The following AMBRA1 variants were observed in gnomAD, a reference collection of about 807,000 sequenced individuals.
The protein encoded by AMBRA1 is autophagy and beclin 1 regulator 1.
In AMBRA1, 47 loss-of-function variants were observed where a neutral mutation model predicts 125.4. The ratio of observed to expected loss-of-function variants is 0.37; its 90% CI spans 0.30 to 0.48. The LOEUF is 0.48. Among genes scored for constraint, AMBRA1 ranks in the 20% least tolerant of loss-of-function variants. AMBRA1 has a pLI of 0.99. For missense variants in AMBRA1, 1,331 were observed against 1,693.4 expected (o/e 0.79, Z 3.76); for synonymous variants, 626 against 655.5 (o/e 0.95, Z 0.69).
intron 11 of AMBRA1, among the ~76,000 whole-genome samples, chr11:46,457,905 CAAAAA>C (rs398045181): frequency 2.5e-5 from 2 of 79,700 alleles, no homozygotes; most frequent in Non-Finnish European, 2.6e-5. Context: ...GACTCCGTTG[CAAAAA>C]AAAAAAAAAA....
intron 17 of AMBRA1, among the ~76,000 whole-genome samples, chr11:46,406,207 C>A (rs1163570746): frequency 6.6e-6 from 1 of 151,550 alleles, no homozygotes; most frequent in Non-Finnish European, 1.5e-5. Flanking sequence ...GTGCCCACCA[C>A]CATGCCCGGC....
At chr11:46,513,805 C>T (rs1217294505) in intron 7 of AMBRA1, among the ~76,000 whole-genome samples, 1 of 151,948 alleles carries the variant, frequency 6.6e-6, no homozygotes, top group African/African-American at 2.4e-5. Flanking sequence ...GTATTGCTGG[C>T]TTTTCCTATT....
chr11:46,525,151 A>C (rs186316800), intron 7 of AMBRA1, among the ~76,000 whole-genome samples: 4 of 152,020 alleles, frequency 2.6e-5, no homozygotes, highest in Admixed American at 2.6e-4. Flanking sequence ...AAATTTAAAA[A>C]TTATCTGGGC....
intron 11 of AMBRA1, among the ~76,000 whole-genome samples, chr11:46,454,873 CTT>C (rs1008795533): frequency 1.3e-4 from 17 of 134,382 alleles, no homozygotes; most frequent in Admixed American, 3.0e-4. Flanking sequence ...CTGGTATTAG[CTT>C]TTTTTTTTTT....
At chr11:46,491,750 T>C (rs183974907) in intron 11 of AMBRA1, among the ~76,000 whole-genome samples, 1 of 152,206 alleles carries the variant, frequency 6.6e-6, no homozygotes. Flanking sequence ...AGATTTCACA[T>C]CTGTAAACAG....
chr11:46,444,060 T>G (rs969440124), intron 11 of AMBRA1, among the ~76,000 whole-genome samples: 1 of 152,228 alleles, frequency 6.6e-6, no homozygotes, highest in Admixed American at 6.5e-5. Context: ...CCTTTATCAC[T>G]TTCTTCCTAA....
chr11:46,584,458 G>A (rs1212645580), intron 1 of AMBRA1, among the ~76,000 whole-genome samples: 2 of 150,260 alleles, frequency 1.3e-5, no homozygotes, highest in African/African-American at 4.9e-5. Flanking sequence ...CACCAGCATG[G>A]CACATGCATA....
chr11:46,534,413 T>C (rs1048789553), intron 7 of AMBRA1, among the ~76,000 whole-genome samples: 9 of 152,018 alleles, frequency 5.9e-5, no homozygotes, highest in Non-Finnish European at 1.2e-4. Context: ...AAGAATCACT[T>C]GAACCCGGGA....
At chr11:46,521,888 A>G (rs897696849) in intron 7 of AMBRA1, among the ~76,000 whole-genome samples, 1 of 152,250 alleles carries the variant, frequency 6.6e-6, no homozygotes, top group African/African-American at 2.4e-5. Context: ...AAGACACCAC[A>G]GTGCCTACAG....
At chr11:46,578,330 T>C (rs541879845) in intron 1 of AMBRA1, among the ~76,000 whole-genome samples, 2 of 150,582 alleles carry the variant, frequency 1.3e-5, no homozygotes, top group Non-Finnish European at 3.0e-5. Flanking sequence ...CCACTAAAAA[T>C]ACAAAAATTA....
At position 46,525,271 on chromosome 11, in the gene AMBRA1, A is replaced by G. The variant is rs189644760; in HGVS notation, c.2073-12458T>C. Among the ~76,000 whole-genome samples the G allele has an allele frequency of 3.9e-3, 596 of 152,296 alleles. 3 individuals are homozygous for G. Among genetic ancestry groups the G allele is most frequent in the African/African-American group, 0.014 (582 of 41,540 alleles). On this transcript the variant is annotated intron_variant, in intron 7 of 17. Transcript: ENST00000683756. The stretch of plus-strand genomic sequence containing the variant: ...AGCTGAGATCATACCACTGCATTCC[A>G]GCCTGGGCAACCGATTGAAACCCTG...
chr11:46,560,346 T>C (rs59352642), intron 1 of AMBRA1, among the ~76,000 whole-genome samples: 2,173 of 152,252 alleles, frequency 0.014, 58 homozygotes, highest in African/African-American at 0.05. Context: ...CAAAACTGAG[T>C]AAATTCTAAT....
chr11:46,557,899 G>T (rs111667759), intron 1 of AMBRA1, among the ~76,000 whole-genome samples: 3,387 of 152,242 alleles, frequency 0.022, 123 homozygotes, highest in African/African-American at 0.077. Flanking sequence ...TTGAACCCAG[G>T]AGGTGGGGGT....
chr11:46,474,724 T>C (rs1254106490), intron 11 of AMBRA1, among the ~76,000 whole-genome samples: 1 of 152,186 alleles, frequency 6.6e-6, no homozygotes, highest in Non-Finnish European at 1.5e-5. Context: ...CTATACTGTC[T>C]GTTGGACAGA....
intron 12 of AMBRA1, among the ~76,000 whole-genome samples, chr11:46,442,073 T>A (rs1948039074): frequency 6.7e-6 from 1 of 150,342 alleles, no homozygotes; most frequent in Non-Finnish European, 1.5e-5. Context: ...TGGGCTCAGA[T>A]GATCCTCCCA....
chr11:46,523,454 C>T (rs949503334), intron 7 of AMBRA1, among the ~76,000 whole-genome samples: 5 of 152,272 alleles, frequency 3.3e-5, no homozygotes, highest in East Asian at 1.9e-4. Flanking sequence ...CAAAAAGATT[C>T]GCACATTAAC....
chr11:46,543,834 G>T, intron 6 of AMBRA1, 141 bp downstream of exon 6: 1 of 737,074 alleles, frequency 1.4e-6, no homozygotes, highest in Non-Finnish European at 2.3e-6. Context: ...TGAATATACA[G>T]TCTGAAGCTA....
At chr11:46,476,765 CAGTT>C (rs1949830088) in intron 11 of AMBRA1, among the ~76,000 whole-genome samples, 1 of 152,302 alleles carries the variant, frequency 6.6e-6, no homozygotes, top group African/African-American at 2.4e-5. Flanking sequence ...TATAAGCTCT[CAGTT>C]AGCTCCTGTG....
In AMBRA1 at chr11:46,548,148, G is replaced by C. The variant is rs192071734; in HGVS notation, c.135+98C>G. 10 of 1,532,088 alleles carry C rather than the reference G, an allele frequency of 6.5e-6. No individual in the cohort carries two copies. The African/African-American group carries it at 1.4e-4, about 21-fold the overall frequency. The allele number at this position is 1,532,088 out of a possible 1,614,324, so 94.9% of individuals were successfully genotyped here. ...CAGATATGTCAACTCTCCCACACAA[G>C]ATAAATATATCCCAACTCTCTGCTG... On this transcript the variant is annotated intron_variant, in intron 2 of 17. Transcript: ENST00000683756.
Sources: allele counts gnomAD v4.1 joint callset (sites outside exome capture counted in the v4.1 genomes callset), GRCh38; gene constraint gnomAD v4.1.1; transcripts MANE v1.5; gene names NCBI Gene and HGNC (gene_info 2026-07-23, HGNC 2026-07-21).